The following AHR variants were observed in gnomAD, a reference collection of about 807,000 sequenced individuals.
The protein encoded by AHR is aryl hydrocarbon receptor.
Under a neutral mutation model 86.8 loss-of-function variants are expected in AHR, and 40 were observed. The ratio of observed to expected loss-of-function variants is 0.46; its 90% CI spans 0.36 to 0.60. The LOEUF is 0.60. Ranked by LOEUF, AHR falls within the 20% of genes least tolerant of loss-of-function variation. The probability of loss-of-function intolerance (pLI) is 0.00; values close to 1 mark genes in which losing one functional copy is unlikely to be tolerated. For synonymous variants in AHR, 398 were observed against 354.9 expected (o/e 1.12, Z -1.37); for missense variants, 1,001 against 1,011.6 (o/e 0.99, Z 0.14).
chr7:17,312,622 A>C (rs957331301), intron 2 of AHR, among the ~76,000 whole-genome samples: 1 of 152,214 alleles, frequency 6.6e-6, no homozygotes, highest in Non-Finnish European at 1.5e-5. Context: ...ATAGTTTAAC[A>C]CAGGGTTCAT....
chr7:17,304,460 C>T (rs1373530443), intron 1 of AHR, among the ~76,000 whole-genome samples: 1 of 152,106 alleles, frequency 6.6e-6, no homozygotes, highest in Non-Finnish European at 1.5e-5. Flanking sequence ...CTGGGTTTAG[C>T]TGTCACTTAG....
At chr7:17,300,768 C>T (rs1781947209) in intron 1 of AHR, among the ~76,000 whole-genome samples, 1 of 151,984 alleles carries the variant, frequency 6.6e-6, no homozygotes, top group Non-Finnish European at 1.5e-5. Flanking sequence ...GGGAGGCATC[C>T]CAAATGTCTG....
chr7:17,315,005 G>A (rs1782101193), intron 2 of AHR, among the ~76,000 whole-genome samples: 1 of 151,968 alleles, frequency 6.6e-6, no homozygotes, highest in Non-Finnish European at 1.5e-5. Flanking sequence ...TGATTTAACT[G>A]TTATCTTTTT....
chr7:17,299,708 G>A (rs1167873083), intron 1 of AHR, among the ~76,000 whole-genome samples: 1 of 152,194 alleles, frequency 6.6e-6, no homozygotes, highest in Non-Finnish European at 1.5e-5. Context: ...TATCCGCATG[G>A]GTTAGGTTAG....
At chr7:17,302,139 A>G (rs1029080524) in intron 1 of AHR, among the ~76,000 whole-genome samples, 4 of 152,030 alleles carry the variant, frequency 2.6e-5, no homozygotes, top group African/African-American at 7.2e-5. Context: ...AAAAAGTTGT[A>G]ATGGATTTCA....
At chr7:17,304,482 A>AC (rs1245613196) in intron 1 of AHR, among the ~76,000 whole-genome samples, 1 of 151,928 alleles carries the variant, frequency 6.6e-6, no homozygotes, top group African/African-American at 2.4e-5. Context: ...TTCATCGGAG[A>AC]CAGAGTTTGT....
intron 5 of AHR, 85 bp downstream of exon 5, chr7:17,330,160 G>T (rs1782272276): frequency 7.7e-7 from 1 of 1,305,122 alleles, no homozygotes; most frequent in Non-Finnish European, 1.1e-6. Flanking sequence ...TAGGGTCATA[G>T]AACTCCATGA....
At chr7:17,340,956 T>C (rs1185596122) in intron 10 of AHR, among the ~76,000 whole-genome samples, 1 of 152,166 alleles carries the variant, frequency 6.6e-6, no homozygotes, top group Non-Finnish European at 1.5e-5. Flanking sequence ...TGAGCACACT[T>C]TAAATCTAAA....
chr7:17,308,792 T>C (rs1451524632), intron 1 of AHR, among the ~76,000 whole-genome samples: 2 of 152,164 alleles, frequency 1.3e-5, no homozygotes, highest in African/African-American at 2.4e-5. Flanking sequence ...TCTTTCTGCC[T>C]AAAGTATTAC....
chr7:17,319,003 T>G (rs981437340), intron 2 of AHR, among the ~76,000 whole-genome samples: 4 of 151,980 alleles, frequency 2.6e-5, no homozygotes, highest in African/African-American at 7.3e-5. Context: ...GGCTTGGGAG[T>G]GGCAGAGGCA....
intron 1 of AHR, among the ~76,000 whole-genome samples, chr7:17,306,993 A>G (rs1228294883): frequency 1.3e-5 from 2 of 152,202 alleles, no homozygotes; most frequent in Admixed American, 6.5e-5. Context: ...ATAAGCAATT[A>G]TGTTACTTGA....
At chr7:17,340,448 A>C (rs1407960175) in intron 10 of AHR, among the ~76,000 whole-genome samples, 2 of 152,052 alleles carry the variant, frequency 1.3e-5, no homozygotes, top group African/African-American at 4.8e-5. Flanking sequence ...TGAGGGAGAA[A>C]GATATCAAGG....
Position 17,338,967 on chromosome 7 carries a change from T to G in AHR, c.1161-19T>G. ...TTTGATAGAATTTTTTTCTAAGACT[T>G]TTTTGTACACAATTTTAGAGATGAG... On this transcript the variant is annotated intron_variant, in intron 9 of 10. Transcript: ENST00000242057. 2 of 1,538,882 alleles carry G rather than the reference T, an allele frequency of 1.3e-6. No homozygotes were observed. The highest frequency in any genetic ancestry group is 1.7e-6 in the Non-Finnish European group (2 of 1,144,012).
chr7:17,325,889 C>T (rs1782225242), intron 3 of AHR, among the ~76,000 whole-genome samples: 1 of 152,128 alleles, frequency 6.6e-6, no homozygotes, highest in African/African-American at 2.4e-5. Flanking sequence ...GTACAACAAA[C>T]CCTCATGACA....
chr7:17,304,925 G>C (rs192507537), intron 1 of AHR, among the ~76,000 whole-genome samples: 1 of 152,076 alleles, frequency 6.6e-6, no homozygotes, highest in Non-Finnish European at 1.5e-5. Flanking sequence ...GTGTGTTTGC[G>C]TAGAAGAAGG....
chr7:17,334,043 A>T lies in AHR; in HGVS notation c.837A>T (p.Glu279Asp). ...CACTTCAGCCACCATCCATACTTGA[A>T]ATCCGGACCAAAAATTTTATCTTTA... ...ATPLQPPSILEIRTKNFIFRT... is the reference protein window; with the variant it reads ...ATPLQPPSILDIRTKNFIFRT... The change falls in exon 7 of 11, where the codon GAA (glutamate) becomes GAT (aspartate). Residue 279 changes from glutamate to aspartate, a missense_variant. Transcript: ENST00000242057. 5 of 1,613,536 alleles carry T rather than the reference A, an allele frequency of 3.1e-6. No individual in the cohort carries two copies. Among genetic ancestry groups the T allele is most frequent in the Non-Finnish European group, 4.2e-6 (5 of 1,179,550 alleles).
chr7:17,319,708 T>C (rs1782149961), intron 2 of AHR, among the ~76,000 whole-genome samples: 2 of 152,054 alleles, frequency 1.3e-5, no homozygotes, highest in South Asian at 4.1e-4. Flanking sequence ...ACAAGCAATA[T>C]ATACATGAAA....
Position 17,339,194 on chromosome 7 carries a change from C to G in AHR, c.1369C>G (p.Leu457Val). 1 of 1,614,202 alleles carries G rather than the reference C, an allele frequency of 6.2e-7. No homozygotes were observed. The highest frequency in any genetic ancestry group is 1.3e-5 in the African/African-American group (1 of 75,054). The change falls in exon 10 of 11, where the codon CTG (leucine) becomes GTG (valine). Residue 457 changes from leucine (L) to valine (V), a missense_variant. By Grantham distance (32) the Leu-to-Val change is conservative (BLOSUM62 1). This residue lies in a region of AHR where 607 missense variants were observed against 543.1 expected (regional missense o/e 1.12). Coordinates refer to ENST00000242057, the MANE Select transcript of AHR (RefSeq NM_001621.5). The part of the protein sequence containing the change: ...SKDSLNPSSL[L>V]AAMMQQDESI... ...GGACTCTCTCAATCCTAGTTCCCTC[C>G]TGGCTGCCATGATGCAACAAGATGA...
chr7:17,335,882 A>G (rs1782349822), intron 9 of AHR, 96 bp downstream of exon 9: 1 of 1,315,882 alleles, frequency 7.6e-7, no homozygotes, highest in African/African-American at 1.5e-5. Context: ...TTTAGTCTGT[A>G]AATAAAAATT....
Sources: gnomAD v4.1 joint callset for allele counts (sites outside exome capture counted in the v4.1 genomes callset) on GRCh38, gnomAD v4.1.1 for gene constraint, gnomAD v4.1.1 regional missense constraint, MANE v1.5 for transcripts, NCBI Gene and HGNC (gene_info 2026-07-23, HGNC 2026-07-21) for gene names.